The following NEB variants were observed in gnomAD, a reference collection of about 807,000 sequenced individuals.
NEB encodes the protein nebulin, also known as nemaline myopathy type 2.
Under a neutral mutation model 952.2 loss-of-function variants are expected in NEB, and 512 were observed. That is an observed-to-expected ratio of 0.54 (90% CI 0.50 to 0.58). The LOEUF (loss-of-function observed/expected upper bound fraction) is 0.58, where lower values mean the gene tolerates loss of function less well. Ranked by LOEUF, NEB falls within the 20% of genes least tolerant of loss-of-function variation. The pLI, the probability that NEB is intolerant of heterozygous loss-of-function variation, is 0.00. For missense variants in NEB, 8,428 were observed against 9,231.1 expected, an observed-to-expected ratio of 0.91 and a Z score of 3.56; for synonymous variants, 2,900 against 3,149.8, an observed-to-expected ratio of 0.92 and a Z score of 2.66.
intron 2 of NEB, 21 bp from the exon 3 acceptor site, chr2:151,733,206 T>A: frequency 6.7e-7 from 1 of 1,500,178 alleles, no homozygotes; most frequent in Non-Finnish European, 9.1e-7. Flanking sequence ...TCCATACAAA[T>A]GAAAACATAT....
chr2:151,525,264 T>C lies in NEB; in HGVS notation c.22171A>G (p.Lys7391Glu). 6.2e-7 allele frequency: 1 copy of C among 1,611,048 alleles called. No homozygotes were observed. Among genetic ancestry groups the C allele is most frequent in the Non-Finnish European group, 8.5e-7 (1 of 1,177,288 alleles). Residue 7391 changes from lysine (K) to glutamate (E), a missense_variant, in exon 151 of 182, where the codon AAA (lysine) becomes GAA (glutamate). Around this residue, in one of 11 missense-constraint regions of NEB, gnomAD observed 3,374 missense variants for 3,651.5 expected, o/e 0.92. Transcript: ENST00000397345. ...CCTTTCTCCTTGACAAACTTCTTTTTGTAATTTGTCTAAATAGAGCCAGAA... is the reference window on the plus strand; with the variant it reads ...CCTTTCTCCTTGACAAACTTCTTTTCGTAATTTGTCTAAATAGAGCCAGAA... The part of the protein sequence containing the change: ...VTKHVSDTNY[K>E]KKFVKEKGKS...
At chr2:151,678,402 C>A (rs1559156090) in intron 32 of NEB, among the ~76,000 whole-genome samples, 1 of 152,146 alleles carries the variant, frequency 6.6e-6, no homozygotes, top group Non-Finnish European at 1.5e-5. Context: ...ATAGCTGTTT[C>A]TGCCTATCCA....
intron 88 of NEB, among the ~76,000 whole-genome samples, chr2:151,601,580 A>T (rs1211250921): frequency 2.3e-5 from 2 of 87,902 alleles, no homozygotes; most frequent in Admixed American, 1.3e-4. Flanking sequence ...AAACACCGGT[A>T]GTATACACGC....
Position 151,684,861 on chromosome 2 carries a change from T to C in NEB, c.2752A>G (p.Lys918Glu). The change falls in exon 28 of 182, where the codon AAG (lysine) becomes GAG (glutamate). Residue 918 changes from lysine (K) to glutamate (E), a missense_variant. Physicochemically the swap from Lys to Glu is moderately conservative, Grantham distance 56. This residue lies in a region of NEB where 2,851 missense variants were observed against 2,791.5 expected (regional missense o/e 1.02). Coordinates refer to ENST00000397345, the MANE Select transcript of NEB (RefSeq NM_001164508.2). ...SQAIASDVDY[K>E]HILHSYSYPP... ...TAGCTGTAACTGTGTAAGATGTGCTTATAATCAACGTCGCTGGCAATTGCC... is the reference window on the plus strand; with the variant it reads ...TAGCTGTAACTGTGTAAGATGTGCTCATAATCAACGTCGCTGGCAATTGCC... The C allele has an allele frequency of 1.2e-6, 2 of 1,613,458 alleles. No individual in the cohort carries two copies. The highest frequency in any genetic ancestry group is 1.7e-6 in the Non-Finnish European group (2 of 1,179,614).
At position 151,677,722 on chromosome 2, in the gene NEB, A is replaced by G. The variant is rs2154209937; in HGVS notation, c.3617T>C (p.Ile1206Thr). The change falls in exon 34 of 182, where the codon ATT becomes ACT. Residue 1206 changes from isoleucine (I) to threonine (T), a missense_variant. By Grantham distance (89) the Ile-to-Thr change is moderately conservative (BLOSUM62 -1). This residue lies in a region of NEB where 2,851 missense variants were observed against 2,791.5 expected (regional missense o/e 1.02). Coordinates refer to ENST00000397345, the MANE Select transcript of NEB (RefSeq NM_001164508.2). ...TTCGACGTCGAGACTGCCAATAGGA[A>G]TCCAGCCAATGCCTTTCATCCAGTT... ...YNNWMKGIGWIPIGSLDVEKV... is the reference protein window; with the variant it reads ...YNNWMKGIGWTPIGSLDVEKV... The G allele has an allele frequency of 6.2e-7, 1 of 1,613,998 alleles. No homozygotes were observed. Among genetic ancestry groups the G allele is most frequent in the South Asian group, 1.1e-5 (1 of 91,080 alleles).
At chr2:151,706,780 A>G (rs1190410397) in intron 13 of NEB, 101 bp downstream of exon 13, 12 of 817,744 alleles carry the variant, frequency 1.5e-5, no homozygotes, top group Non-Finnish European at 2.4e-5. Flanking sequence ...CATAACCTTA[A>G]TGTATTTGCA....
rs1578040445 is a variant in NEB at position 151,727,871 on chromosome 2, C to T, written c.114G>A (p.Arg38=). 1.1e-5 allele frequency: 17 copies of T among 1,613,424 alleles called. No homozygotes were observed. Among genetic ancestry groups the T allele is most frequent in the Non-Finnish European group, 1.4e-5 (16 of 1,179,710 alleles). Residue 38 remains arginine (R), a synonymous_variant, in exon 5 of 182, where the codon AGG becomes AGA. Transcript: ENST00000397345. ...TTTCTGATTGCTCATAGTCAGATGT[C>T]CTTGTTGTCGTAGTCTCATAAATTT... is the stretch of plus-strand genomic sequence containing the variant. ...ITKIYETTTT[R]TSDYEQSETS... is the part of the protein sequence containing the mutation.
At chr2:151,517,150 A>G (rs1445296743) in intron 156 of NEB, among the ~76,000 whole-genome samples, 1 of 152,208 alleles carries the variant, frequency 6.6e-6, no homozygotes, top group Non-Finnish European at 1.5e-5. Context: ...TTGTTAAAAA[A>G]CCTGACAGTC....
chr2:151,650,318 A>G lies in NEB; in HGVS notation c.7289T>C (p.Leu2430Ser), dbSNP rs763683012. ...RGIGWSPLGS[L>S]EAEKNKRASE... is the part of the protein sequence containing the mutation. ...AGCCCGCTTGTTCTTTTCTGCCTCT[A>G]AAGAACCCAAGGGACTCCATCCTAT... The change falls in exon 54 of 182, where the codon TTA (leucine) becomes TCA (serine). Residue 2430 changes from leucine (L) to serine (S), a missense_variant. Coordinates refer to ENST00000397345, the MANE Select transcript of NEB (RefSeq NM_001164508.2). The G allele has an allele frequency of 2.5e-6, 4 of 1,613,778 alleles. No homozygotes were observed. In the Admixed American group the frequency reaches 6.7e-5, roughly 27 times the overall value.
At chr2:151,617,238 T>A (rs531075623) in intron 75 of NEB, 126 bp downstream of exon 75, 2 of 578,700 alleles carry the variant, frequency 3.5e-6, no homozygotes, top group Admixed American at 3.1e-5. Flanking sequence ...GTGAGAACTA[T>A]CTCTTCTACT....
At position 151,692,065 on chromosome 2, in the gene NEB, G is replaced by C; in HGVS notation, c.2100C>G (p.Asn700Lys). Residue 700 changes from asparagine (N) to lysine (K), a missense_variant, in exon 22 of 182, where the codon AAC (asparagine) becomes AAG (lysine). Physicochemically the swap from Asn to Lys is moderately conservative, Grantham distance 94. Transcript: ENST00000397345. ...CCATTGTCTTCAAACTTACATCACT[G>C]TTTTGAGCTGCAACTTTCATGCAGT... ...HTHCMKVAAQ[N>K]SDKSYKAEYE... 3 of 1,613,710 alleles carry C rather than the reference G, an allele frequency of 1.9e-6. No homozygotes were observed. The highest frequency in any genetic ancestry group is 1.1e-5 in the South Asian group (1 of 91,068).
intron 175 of NEB, 65 bp downstream of exon 175, chr2:151,493,710 G>T: frequency 1.7e-6 from 2 of 1,201,772 alleles, no homozygotes; most frequent in Non-Finnish European, 2.3e-6. Context: ...AGATAAATTA[G>T]TGGTACAACC....
At chr2:151,722,111 A>C (rs2099775753) in intron 9 of NEB, among the ~76,000 whole-genome samples, 1 of 152,228 alleles carries the variant, frequency 6.6e-6, no homozygotes, top group Non-Finnish European at 1.5e-5. Flanking sequence ...AGTAAATCCC[A>C]ATCAGTCTGA....
In NEB at chr2:151,552,772, T is replaced by C. The variant is rs909344830; in HGVS notation, c.19736A>G (p.Lys6579Arg). 13 of 1,610,234 alleles carry C rather than the reference T, an allele frequency of 8.1e-6. No homozygotes were observed. Among genetic ancestry groups the C allele is most frequent in the African/African-American group, 1.3e-5 (1 of 74,866 alleles). Residue 6579 changes from lysine to arginine, a missense_variant, in exon 128 of 182, where the codon AAG (lysine) becomes AGG (arginine). This residue lies in a region of NEB where 3,374 missense variants were observed against 3,651.5 expected (regional missense o/e 0.92). Transcript: ENST00000397345. ...KHAYDLRDDI[K>R]YKAHMLKTRN... Reference sequence around the variant, plus strand: ...TGTTTTCAACATGTGAGCTTTATACTTGATCTGCCGAGAGGAAGAAAACAA... The same window carrying C: ...TGTTTTCAACATGTGAGCTTTATACCTGATCTGCCGAGAGGAAGAAAACAA...
chr2:151,675,413 A>C (rs748941455), intron 34 of NEB, 22 bp from the exon 35 acceptor site: 1 of 1,463,322 alleles, frequency 6.8e-7, no homozygotes. Context: ...TGCATTTCAC[A>C]TAGTGCAAAA....
chr2:151,496,579 T>C (rs190418561), intron 172 of NEB, among the ~76,000 whole-genome samples: 13 of 152,318 alleles, frequency 8.5e-5, no homozygotes, highest in Non-Finnish European at 1.3e-4. Context: ...GGACCTCAGC[T>C]GCTGGGGAAA....
At chr2:151,622,400 C>T (rs1186462114) in intron 71 of NEB, among the ~76,000 whole-genome samples, 1 of 152,142 alleles carries the variant, frequency 6.6e-6, no homozygotes, top group African/African-American at 2.4e-5. Context: ...TATATTATCA[C>T]ACTTAGTCAA....
chr2:151,658,490 C>T (rs1208587071), intron 47 of NEB, among the ~76,000 whole-genome samples: 3 of 148,886 alleles, frequency 2.0e-5, no homozygotes, highest in African/African-American at 7.4e-5. Flanking sequence ...GTGGAATCTA[C>T]AATTAAAAAA....
At position 151,724,383 on chromosome 2, in the gene NEB, G is replaced by T. The variant is rs762913059; in HGVS notation, c.508-19C>A. On this transcript the variant is annotated intron_variant, in intron 7 of 181. Coordinates refer to ENST00000397345, the MANE Select transcript of NEB (RefSeq NM_001164508.2). ...ATAAAACCTAGACAGAAGGAGCAGAGGATCTGTGGCTTGAGGTCTCACCCA... is the reference window on the plus strand; with the variant it reads ...ATAAAACCTAGACAGAAGGAGCAGATGATCTGTGGCTTGAGGTCTCACCCA... 1 of 1,576,958 alleles carries T rather than the reference G, an allele frequency of 6.3e-7. No individual in the cohort carries two copies.
Sources: gnomAD v4.1 joint callset for allele counts (sites outside exome capture counted in the v4.1 genomes callset) on GRCh38, gnomAD v4.1.1 for gene constraint, gnomAD v4.1.1 regional missense constraint, MANE v1.5 for transcripts, NCBI Gene and HGNC (gene_info 2026-07-23, HGNC 2026-07-21) for gene names.